COBL: variants seen among roughly 807,000 people sequenced by gnomAD.
COBL encodes the protein protein cordon-bleu.
A neutral mutation model predicts 98.8 loss-of-function variants in COBL; 51 were observed. The observed-to-expected ratio is 0.52, with a 90% CI of 0.41 to 0.65. COBL has a LOEUF of 0.65. Among genes scored for constraint, COBL ranks in the 30% least tolerant of loss-of-function variants. COBL has a pLI of 0.00. For synonymous variants in COBL, 634 were observed against 651.7 expected, an observed-to-expected ratio of 0.97 and a Z score of 0.41; for missense variants, 1,617 against 1,617.5, an observed-to-expected ratio of 1.00 and a Z score of 0.01.
At chr7:51,124,879 G>A (rs1368919994) in intron 6 of COBL, among the ~76,000 whole-genome samples, 2 of 152,012 alleles carry the variant, frequency 1.3e-5, no homozygotes, top group Non-Finnish European at 2.9e-5. Context: ...AGAGTGCAGC[G>A]GCGTGACCTC....
At chr7:51,085,116 G>A in intron 7 of COBL, 50 bp downstream of exon 7, 1 of 1,611,732 alleles carries the variant, frequency 6.2e-7, no homozygotes, top group Non-Finnish European at 8.5e-7. Context: ...TGACATTCCA[G>A]GACAGAGCAA....
rs572689062 is a variant in COBL, at chr7:51,209,046, TAAAAA to T, written c.245+10690_245+10694del. On this transcript the variant is annotated intron_variant, in intron 2 of 12. Transcript: ENST00000265136. ...TGAGAAACACCCAAGAATGATCAAT[TAAAAA>T]AAAAAAAAAAAAAAAAAAAAACATT... 4.8e-4 allele frequency among the ~76,000 whole-genome samples: 21 copies of T among 43,430 alleles called. No homozygotes were observed. The South Asian group carries it at 0.013, about 26-fold the overall frequency. The allele number at this position is 43,430 out of a possible 152,430, so 28.5% of individuals were successfully genotyped here.
chr7:51,142,541 G>C (rs760858127), intron 5 of COBL, among the ~76,000 whole-genome samples: 1 of 151,834 alleles, frequency 6.6e-6, no homozygotes, highest in Non-Finnish European at 1.5e-5. Flanking sequence ...GTGCCACCAC[G>C]CCCGGCTAAT....
At chr7:51,196,785 T>C (rs1790636703) in intron 2 of COBL, among the ~76,000 whole-genome samples, 1 of 152,118 alleles carries the variant, frequency 6.6e-6, no homozygotes, top group Non-Finnish European at 1.5e-5. Flanking sequence ...AATTTATCCA[T>C]TTCTTCCAGA....
chr7:51,262,852 T>C (rs1797838417), intron 1 of COBL, among the ~76,000 whole-genome samples: 3 of 152,012 alleles, frequency 2.0e-5, no homozygotes, highest in Admixed American at 6.5e-5. Flanking sequence ...CAGCAACCCC[T>C]GGTAGGAGGC....
chr7:51,145,623 C>T (rs1441427069), intron 5 of COBL, among the ~76,000 whole-genome samples: 1 of 152,104 alleles, frequency 6.6e-6, no homozygotes, highest in African/African-American at 2.4e-5. Context: ...AGGTGATCTG[C>T]CCACCTCGGC....
intron 7 of COBL, among the ~76,000 whole-genome samples, chr7:51,047,923 T>C (rs1357550673): frequency 7.9e-5 from 12 of 152,118 alleles, no homozygotes; most frequent in Admixed American, 6.5e-4. Flanking sequence ...TCCCAGCACG[T>C]TGGGAGGCTG....
intron 1 of COBL, among the ~76,000 whole-genome samples, chr7:51,250,921 G>A (rs1796680101): frequency 6.6e-6 from 1 of 152,006 alleles, no homozygotes; most frequent in East Asian, 1.9e-4. Flanking sequence ...CAAAGAATTG[G>A]CCAATAAACA....
chr7:51,159,581 A>G (rs1014626374), intron 5 of COBL, among the ~76,000 whole-genome samples: 10 of 152,248 alleles, frequency 6.6e-5, no homozygotes, highest in African/African-American at 2.4e-4. Flanking sequence ...GACAGTGGAA[A>G]TAATAGTCAT....
chr7:51,099,659 A>T (rs1795638831), intron 6 of COBL, among the ~76,000 whole-genome samples: 1 of 152,178 alleles, frequency 6.6e-6, no homozygotes, highest in Non-Finnish European at 1.5e-5. Context: ...AGTTCTAGTG[A>T]TCTAGAGGTG....
intron 2 of COBL, among the ~76,000 whole-genome samples, chr7:51,218,267 A>G (rs777435987): frequency 2.6e-5 from 4 of 152,234 alleles, no homozygotes; most frequent in Non-Finnish European, 5.9e-5. Context: ...TTTGATTATA[A>G]ACTGGTTAAT....
At chr7:51,041,862 T>C (rs576090620) in intron 8 of COBL, among the ~76,000 whole-genome samples, 3 of 152,308 alleles carry the variant, frequency 2.0e-5, no homozygotes, top group African/African-American at 4.8e-5. Flanking sequence ...ACGAAAAACA[T>C]TGGCGGGCTG....
chr7:51,208,386 TGG>T (rs571758629), intron 2 of COBL, among the ~76,000 whole-genome samples: 6 of 102,928 alleles, frequency 5.8e-5, no homozygotes, highest in African/African-American at 2.0e-4. Flanking sequence ...GGGAGGGAGG[TGG>T]GGGGGGTCAG....
chr7:51,295,691 G>T (rs545725581), intron 1 of COBL, among the ~76,000 whole-genome samples: 1 of 152,266 alleles, frequency 6.6e-6, no homozygotes, highest in East Asian at 1.9e-4. Flanking sequence ...GCCTTCTGTA[G>T]GTCCCTACAG....
chr7:51,052,006 G>A (rs1790293490), intron 7 of COBL, among the ~76,000 whole-genome samples: 1 of 152,142 alleles, frequency 6.6e-6, no homozygotes, highest in Non-Finnish European at 1.5e-5. Context: ...TACACTATTG[G>A]CTAATTTACT....
intron 1 of COBL, among the ~76,000 whole-genome samples, chr7:51,288,599 A>T (rs1188484942): frequency 6.6e-6 from 1 of 151,754 alleles, no homozygotes; most frequent in East Asian, 1.9e-4. Context: ...CTAAAAATAC[A>T]GTAATTAGCC....
At chr7:51,315,571 CA>C (rs36101917) in intron 1 of COBL, among the ~76,000 whole-genome samples, 5,852 of 152,298 alleles carry the variant, frequency 0.038, 190 homozygotes, top group African/African-American at 0.079. Context: ...GGGCTCACCC[CA>C]ACCCTCATTC....
chr7:51,217,914 C>A (rs1410127865), intron 2 of COBL, among the ~76,000 whole-genome samples: 1 of 152,196 alleles, frequency 6.6e-6, no homozygotes, highest in Admixed American at 6.5e-5. Flanking sequence ...ATCGAACTGC[C>A]GCAAGAGATA....
intron 1 of COBL, among the ~76,000 whole-genome samples, chr7:51,258,026 C>G (rs1415424516): frequency 6.6e-6 from 1 of 152,088 alleles, no homozygotes; most frequent in Non-Finnish European, 1.5e-5. Flanking sequence ...ATATAGTGTA[C>G]TTGTTTGCTA....
Sources: gnomAD v4.1 joint callset for allele counts (sites outside exome capture counted in the v4.1 genomes callset) on GRCh38, gnomAD v4.1.1 for gene constraint, MANE v1.5 for transcripts, NCBI Gene and HGNC (gene_info 2026-07-23, HGNC 2026-07-21) for gene names.